UST: variants seen among roughly 807,000 people sequenced by gnomAD.
UST encodes the protein chondroitin sulfate 2-O-sulfotransferase.
A neutral mutation model predicts 45.6 loss-of-function variants in UST; 21 were observed. The ratio of observed to expected loss-of-function variants is 0.46; its 90% CI spans 0.33 to 0.66. The LOEUF is 0.66. Ranked by LOEUF, UST falls within the 30% of genes least tolerant of loss-of-function variation. The probability of loss-of-function intolerance (pLI) is 0.02; values close to 1 mark genes in which losing one functional copy is unlikely to be tolerated. For synonymous variants in UST, 215 were observed against 200.6 expected (o/e 1.07, Z -0.61); for missense variants, 463 against 512.4 (o/e 0.90, Z 0.93).
intron 1 of UST, among the ~76,000 whole-genome samples, chr6:148,861,345 C>T (rs1260238668): frequency 6.6e-6 from 1 of 152,024 alleles, no homozygotes; most frequent in Non-Finnish European, 1.5e-5. Context: ...GTGATGATAT[C>T]CCCTTTATCA....
chr6:148,764,192 G>A (rs1171953405), intron 1 of UST, among the ~76,000 whole-genome samples: 2 of 151,928 alleles, frequency 1.3e-5, no homozygotes, highest in African/African-American at 4.8e-5. Context: ...TATAATTCTT[G>A]TGGAGATTTT....
chr6:149,063,403 T>A (rs1407643554), intron 7 of UST, among the ~76,000 whole-genome samples: 1 of 152,150 alleles, frequency 6.6e-6, no homozygotes, highest in Admixed American at 6.5e-5. Context: ...TTTAAAAAAA[T>A]ATCAAAAACA....
At chr6:148,887,159 T>C (rs967285397) in intron 2 of UST, 130 bp downstream of exon 2, 2 of 735,134 alleles carry the variant, frequency 2.7e-6, no homozygotes, top group Non-Finnish European at 4.6e-6. Context: ...GTGAAATTGA[T>C]GTTTAACTTC....
intron 7 of UST, among the ~76,000 whole-genome samples, chr6:149,067,683 T>G (rs141629346): frequency 6.6e-6 from 1 of 152,280 alleles, no homozygotes; most frequent in African/African-American, 2.4e-5. Flanking sequence ...ATCAATCTTA[T>G]TAAAGACCTC....
intron 2 of UST, among the ~76,000 whole-genome samples, chr6:148,894,780 C>A (rs980027023): frequency 6.7e-4 from 98 of 146,984 alleles, no homozygotes; most frequent in Admixed American, 1.1e-3. Context: ...AACATTGAAA[C>A]CATTTTTAGA....
chr6:148,831,018 A>G (rs1472840105), intron 1 of UST, among the ~76,000 whole-genome samples: 10 of 150,306 alleles, frequency 6.7e-5, no homozygotes. Flanking sequence ...AAATTTTTAC[A>G]TTGAAAAGAA....
Position 148,784,125 on chromosome 6 carries a change from T to C in UST, c.247+36448T>C, listed in dbSNP as rs562278027. ...CTGACTTTTATATGTGAATAATTTA[T>C]GAAAGAAACTGTAATCCATATTCGA... On this transcript the variant is annotated intron_variant, in intron 1 of 7. Transcript: ENST00000367463. Among the ~76,000 whole-genome samples the C allele has an allele frequency of 1.1e-4, 17 of 152,274 alleles. No individual in the cohort carries two copies. The South Asian group carries it at 3.1e-3, about 28-fold the overall frequency.
intron 7 of UST, among the ~76,000 whole-genome samples, chr6:149,072,674 G>T (rs368719892): frequency 1.3e-4 from 20 of 149,940 alleles, no homozygotes; most frequent in African/African-American, 4.9e-4. Flanking sequence ...AAAAAGGAAT[G>T]AAGCTCTGAT....
At chr6:148,804,607 G>T (rs1178639702) in intron 1 of UST, among the ~76,000 whole-genome samples, 1 of 152,174 alleles carries the variant, frequency 6.6e-6, no homozygotes, top group Non-Finnish European at 1.5e-5. Flanking sequence ...TTTCAGGGGG[G>T]AGAAGTCAAG....
chr6:148,940,220 C>T (rs1018116238), intron 2 of UST, among the ~76,000 whole-genome samples: 7 of 151,950 alleles, frequency 4.6e-5, no homozygotes, highest in Non-Finnish European at 8.8e-5. Flanking sequence ...GGCATGGTGG[C>T]TCATGCCTGT....
chr6:148,950,418 G>A (rs967384553), intron 3 of UST, among the ~76,000 whole-genome samples: 1 of 152,118 alleles, frequency 6.6e-6, no homozygotes, highest in African/African-American at 2.4e-5. Flanking sequence ...CCTGTCCTCA[G>A]ATCTGGAAAA....
At chr6:148,893,093 A>G (rs145326375) in intron 2 of UST, among the ~76,000 whole-genome samples, 1,611 of 152,318 alleles carry the variant, frequency 0.011, 36 homozygotes, top group African/African-American at 0.036. Flanking sequence ...AGTGGGTCCA[A>G]TGGATGCTAA....
intron 1 of UST, among the ~76,000 whole-genome samples, chr6:148,864,686 A>C (rs1778391450): frequency 6.6e-6 from 1 of 152,076 alleles, no homozygotes; most frequent in Non-Finnish European, 1.5e-5. Context: ...ATTAACCCTC[A>C]CCGGAATGTT....
intron 7 of UST, among the ~76,000 whole-genome samples, chr6:149,026,007 G>A (rs375589441): frequency 8.6e-4 from 131 of 152,280 alleles, no homozygotes; most frequent in African/African-American, 3.0e-3. Context: ...AATCAACTGG[G>A]CATGGTGGCA....
intron 1 of UST, among the ~76,000 whole-genome samples, chr6:148,835,176 TA>T (rs10571886): frequency 6.6e-6 from 1 of 151,858 alleles, no homozygotes; most frequent in Admixed American, 6.6e-5. Context: ...ATAATACAAT[TA>T]AAAAATTACA....
At chr6:148,797,354 G>T (rs1456871602) in intron 1 of UST, among the ~76,000 whole-genome samples, 1 of 152,112 alleles carries the variant, frequency 6.6e-6, no homozygotes, top group Admixed American at 6.5e-5. Flanking sequence ...CAAAATAATA[G>T]AAAGCACTAT....
At chr6:149,057,455 T>C (rs538349671) in intron 7 of UST, among the ~76,000 whole-genome samples, 28 of 152,326 alleles carry the variant, frequency 1.8e-4, no homozygotes, top group African/African-American at 6.7e-4. Context: ...AGAAGATAAG[T>C]GGTATCTTAG....
intron 5 of UST, 60 bp from the exon 6 acceptor site, chr6:149,019,079 G>A: frequency 8.2e-7 from 1 of 1,217,024 alleles, no homozygotes; most frequent in Non-Finnish European, 1.2e-6. Context: ...AAACTGTGTG[G>A]CATTTGATAG....
intron 3 of UST, among the ~76,000 whole-genome samples, chr6:148,944,367 A>C (rs1780190096): frequency 6.6e-6 from 1 of 152,148 alleles, no homozygotes; most frequent in African/African-American, 2.4e-5. Context: ...GTTTCAAACT[A>C]CTGACTTACA....
Sources: allele counts gnomAD v4.1 joint callset (sites outside exome capture counted in the v4.1 genomes callset), GRCh38; gene constraint gnomAD v4.1.1; transcripts MANE v1.5; gene names NCBI Gene and HGNC (gene_info 2026-07-23, HGNC 2026-07-21).